TBC1D5: variants seen among roughly 807,000 people sequenced by gnomAD.
TBC1D5 encodes TBC1 domain family, member 5.
Under a neutral mutation model 100.3 loss-of-function variants are expected in TBC1D5, and 75 were observed. The ratio of observed to expected loss-of-function variants is 0.75; its 90% CI spans 0.62 to 0.91. The LOEUF (loss-of-function observed/expected upper bound fraction) is 0.91, where lower values mean the gene tolerates loss of function less well. Ranked by LOEUF, TBC1D5 falls within the 40% of genes least tolerant of loss-of-function variation. The pLI, the probability that TBC1D5 is intolerant of heterozygous loss-of-function variation, is 0.00. For missense variants in TBC1D5, 910 were observed against 942.4 expected, an observed-to-expected ratio of 0.97 and a Z score of 0.45; for synonymous variants, 323 against 325.6, an observed-to-expected ratio of 0.99 and a Z score of 0.09.
chr3:17,166,638 A>G (rs549259296), intron 21 of TBC1D5, 129 bp downstream of exon 22: 1 of 1,281,352 alleles, frequency 7.8e-7, no homozygotes, highest in South Asian at 1.5e-5. Context: ...TGTACACAGC[A>G]CCTCCGCAGT....
intron 2 of TBC1D5, among the ~76,000 whole-genome samples, chr3:17,553,247 G>A (rs910916019): frequency 4.6e-5 from 7 of 152,104 alleles, no homozygotes; most frequent in African/African-American, 9.7e-5. Context: ...AGCCAATGCC[G>A]TAAGAACTGC....
intron 13 of TBC1D5, among the ~76,000 whole-genome samples, chr3:17,314,229 G>C (rs1489897634): frequency 1.3e-5 from 2 of 152,150 alleles, no homozygotes; most frequent in East Asian, 3.8e-4. Flanking sequence ...ATGAGGCATA[G>C]AGTAGGGGGT....
At chr3:17,578,319 T>G (rs1226933199) in intron 2 of TBC1D5, among the ~76,000 whole-genome samples, 1 of 152,024 alleles carries the variant, frequency 6.6e-6, no homozygotes, top group East Asian at 1.9e-4. Flanking sequence ...CAATGATTAA[T>G]CACTGTTTAA....
intron 18 of TBC1D5, among the ~76,000 whole-genome samples, chr3:17,194,294 G>A (rs1477395489): frequency 1.3e-5 from 2 of 152,164 alleles, no homozygotes; most frequent in African/African-American, 2.4e-5. Flanking sequence ...GGTTAGAAGC[G>A]TATTTGGTGA....
chr3:17,333,805 A>G (rs2087245421), intron 13 of TBC1D5, among the ~76,000 whole-genome samples: 1 of 152,104 alleles, frequency 6.6e-6, no homozygotes, highest in African/African-American at 2.4e-5. Flanking sequence ...AGACAGTGCT[A>G]AGGTCCATTA....
intron 4 of TBC1D5, among the ~76,000 whole-genome samples, chr3:17,425,443 A>G (rs1189526231): frequency 6.6e-6 from 1 of 152,192 alleles, no homozygotes; most frequent in African/African-American, 2.4e-5. Context: ...CCCGGGCAAC[A>G]TGGTGAAACC....
At chr3:17,450,489 A>C (rs1164831975) in intron 3 of TBC1D5, among the ~76,000 whole-genome samples, 1 of 152,172 alleles carries the variant, frequency 6.6e-6, no homozygotes, top group Non-Finnish European at 1.5e-5. Context: ...AACCTTGATA[A>C]AAGGTCACAG....
At chr3:17,427,937 T>G (rs2149356878) in intron 4 of TBC1D5, among the ~76,000 whole-genome samples, 1 of 152,036 alleles carries the variant, frequency 6.6e-6, no homozygotes, top group African/African-American at 2.4e-5. Context: ...AATTAGTATA[T>G]CCTTTTAAAA....
chr3:17,608,972 A>G (rs925666254), intron 2 of TBC1D5, among the ~76,000 whole-genome samples: 2 of 152,138 alleles, frequency 1.3e-5, no homozygotes, highest in African/African-American at 4.8e-5. Context: ...GTATTCCTAC[A>G]CTTATTCCTT....
At chr3:17,512,273 C>A (rs1307815482) in intron 2 of TBC1D5, among the ~76,000 whole-genome samples, 1 of 151,846 alleles carries the variant, frequency 6.6e-6, no homozygotes, top group Non-Finnish European at 1.5e-5. Context: ...TAAATTTTTA[C>A]CTGCAAATAT....
At chr3:17,341,985 C>G (rs1258646883) in intron 13 of TBC1D5, among the ~76,000 whole-genome samples, 1 of 152,148 alleles carries the variant, frequency 6.6e-6, no homozygotes, top group African/African-American at 2.4e-5. Context: ...CTGCTATTGA[C>G]CTTATCATTT....
At chr3:17,638,896 T>C (rs1482770200) in intron 1 of TBC1D5, among the ~76,000 whole-genome samples, 1 of 152,104 alleles carries the variant, frequency 6.6e-6, no homozygotes, top group Non-Finnish European at 1.5e-5. Context: ...AAAATGGGGA[T>C]CCTCATACAT....
intron 2 of TBC1D5, among the ~76,000 whole-genome samples, chr3:17,557,176 C>T (rs1003821561): frequency 4.6e-5 from 7 of 152,120 alleles, no homozygotes; most frequent in African/African-American, 1.4e-4. Context: ...GATATTTATA[C>T]ATCAATAATT....
At chr3:17,375,439 C>T (rs559149642) in intron 10 of TBC1D5, among the ~76,000 whole-genome samples, 18 of 151,910 alleles carry the variant, frequency 1.2e-4, no homozygotes, top group Non-Finnish European at 2.5e-4. Flanking sequence ...AGGTGGTGCC[C>T]GCCTGTAGTC....
chr3:17,522,071 C>T (rs1480135508), intron 2 of TBC1D5, among the ~76,000 whole-genome samples: 1 of 151,462 alleles, frequency 6.6e-6, no homozygotes, highest in Admixed American at 6.6e-5. Context: ...TCCAATTTCC[C>T]AAACATAACA....
chr3:17,607,215 C>T (rs115654292), intron 2 of TBC1D5, among the ~76,000 whole-genome samples: 1,615 of 152,044 alleles, frequency 0.011, 25 homozygotes, highest in African/African-American at 0.036. Flanking sequence ...TAATACAATC[C>T]ATCAATACAA....
chr3:17,244,894 G>GT (rs2076598603), intron 16 of TBC1D5, among the ~76,000 whole-genome samples: 2 of 151,864 alleles, frequency 1.3e-5, no homozygotes, highest in Admixed American at 1.3e-4. Context: ...TAAAAATTCT[G>GT]TAAGTTAGAG....
chr3:17,228,498 T>C (rs777468840), intron 17 of TBC1D5, among the ~76,000 whole-genome samples: 2 of 152,124 alleles, frequency 1.3e-5, no homozygotes, highest in Non-Finnish European at 2.9e-5. Context: ...GATAGGATCA[T>C]TGAAACCCCT....
At chr3:17,206,465 A>T (rs2072199687) in intron 18 of TBC1D5, among the ~76,000 whole-genome samples, 1 of 152,204 alleles carries the variant, frequency 6.6e-6, no homozygotes, top group Admixed American at 6.5e-5. Flanking sequence ...TTCTAGAAGT[A>T]AGAGTCTGCT....
Sources: gnomAD v4.1 joint callset for allele counts (sites outside exome capture counted in the v4.1 genomes callset) on GRCh38, gnomAD v4.1.1 for gene constraint, MANE v1.5 for transcripts, NCBI Gene and HGNC (gene_info 2026-07-23, HGNC 2026-07-21) for gene names.